ACOT11: variants seen among roughly 807,000 people sequenced by gnomAD.
ACOT11 encodes the protein acyl-CoA thioesterase 11.
A neutral mutation model predicts 77.5 loss-of-function variants in ACOT11; 69 were observed. That is an observed-to-expected ratio of 0.89 (90% CI 0.73 to 1.09). The LOEUF is 1.09. Ranked by LOEUF, ACOT11 falls within the 50% of genes least tolerant of loss-of-function variation. ACOT11 has a pLI of 0.00. For missense variants in ACOT11, 766 were observed against 813.7 expected, an observed-to-expected ratio of 0.94 and a Z score of 0.71; for synonymous variants, 279 against 313.0, an observed-to-expected ratio of 0.89 and a Z score of 1.15.
At position 54,607,929 on chromosome 1, in the gene ACOT11, T is replaced by C. The variant is rs1288955120; in HGVS notation, c.1503-13T>C. 1 of 1,613,496 alleles carries C rather than the reference T, an allele frequency of 6.2e-7. No homozygotes were observed. On this transcript the variant is annotated splice_polypyrimidine_tract_variant and intron_variant, in intron 14 of 15. Transcript: ENST00000343744. The surrounding 1 kb of genome is among the most constrained non-coding windows in gnomAD (Gnocchi z 4.5). ...GCTGACCCCTGTCCCCTTGCTACCC[T>C]TCCTTCACTCAGGGACCCCTATGTC... is the stretch of plus-strand genomic sequence containing the variant.
rs1255592853 is a variant in ACOT11, at chr1:54,562,414, C to A, written c.33+14072C>A. Among the ~76,000 whole-genome samples the A allele has an allele frequency of 2.4e-3, 199 of 81,784 alleles. 3 individuals are homozygous for A. The highest frequency in any genetic ancestry group is 2.9e-3 in the Non-Finnish European group (125 of 42,960). 53.7% of individuals were successfully genotyped at this position (81,784 alleles called of 152,430 possible). A position where few individuals can be genotyped will look rare whatever the true frequency, so the allele number is the denominator to read the frequency against. ...AGCCGGGCAGAGGCGCCCCTCACCT[C>A]CCGGACGGGGCGGCTGGCCGGGCGG... On this transcript the variant is annotated intron_variant, in intron 1 of 15. Transcript: ENST00000343744.
downstream of ACOT11, chr1:54,612,751 C>T (rs74891767): frequency 0.01 from 15,339 of 1,489,246 alleles, 108 homozygotes; most frequent in Middle Eastern, 0.042. Flanking sequence ...GGAGCTGCAG[C>T]GGCCCCTTCC....
At chr1:54,604,454 T>C (rs772867824) in intron 12 of ACOT11, 25 bp downstream of exon 12, 1 of 1,611,442 alleles carries the variant, frequency 6.2e-7, no homozygotes, top group African/African-American at 1.3e-5. Context: ...CCACCCAATT[T>C]TCCTTTCTCA....
intron 15 of ACOT11, chr1:54,619,837 T>C (rs1476433042): frequency 6.2e-7 from 1 of 1,611,624 alleles, no homozygotes; most frequent in South Asian, 1.1e-5. Flanking sequence ...TGCCCTGGCC[T>C]GCCTCAGTCT....
chr1:54,610,302 T>C lies in ACOT11; in HGVS notation c.*1190T>C. 1 of 1,533,918 alleles carries C rather than the reference T, an allele frequency of 6.5e-7. No individual in the cohort carries two copies. Among genetic ancestry groups the C allele is most frequent in the Non-Finnish European group, 8.7e-7 (1 of 1,143,278 alleles). On this transcript the variant is annotated 3_prime_UTR_variant, in exon 16 of 16. Coordinates refer to ENST00000343744, the MANE Select transcript of ACOT11 (RefSeq NM_147161.4). ...GCCCCACCTTGCATCCAGGGTATGGTGTAAATAAACCTGTGTTGCCATGGC... is the reference window on the plus strand; with the variant it reads ...GCCCCACCTTGCATCCAGGGTATGGCGTAAATAAACCTGTGTTGCCATGGC...
intron 3 of ACOT11, among the ~76,000 whole-genome samples, chr1:54,587,285 C>T (rs112203514): frequency 2.8e-4 from 43 of 152,132 alleles, no homozygotes; most frequent in Non-Finnish European, 4.6e-4. Context: ...GGGGCCTACG[C>T]GGGTGGATCA....
intron 15 of ACOT11, among the ~76,000 whole-genome samples, chr1:54,619,670 C>A (rs1644209824): frequency 6.6e-6 from 1 of 152,196 alleles, no homozygotes; most frequent in Non-Finnish European, 1.5e-5. Flanking sequence ...TGGTTTAAAT[C>A]TAAGCTCAGA....
chr1:54,628,643 A>C (rs1445878395), intron 15 of ACOT11, among the ~76,000 whole-genome samples: 1 of 116,756 alleles, frequency 8.6e-6, no homozygotes, highest in Non-Finnish European at 1.9e-5. Context: ...CTATTTTGAC[A>C]CTGTCATGAA....
chr1:54,624,977 G>A (rs776082440), intron 15 of ACOT11, among the ~76,000 whole-genome samples: 5 of 151,990 alleles, frequency 3.3e-5, no homozygotes, highest in Non-Finnish European at 7.4e-5. Context: ...GGGACAATGA[G>A]GGAGAGGTTT....
chr1:54,614,825 C>CTGA (rs753044317), downstream of ACOT11: 18 of 1,614,154 alleles, frequency 1.1e-5, no homozygotes, highest in Non-Finnish European at 1.4e-5. Flanking sequence ...GGGAGGGGCC[C>CTGA]ACTGCCTTGA....
chr1:54,623,184 A>T (rs561814126), intron 15 of ACOT11: 15 of 831,016 alleles, frequency 1.8e-5, no homozygotes, highest in Middle Eastern at 3.5e-4. Context: ...TCTAAAAAAA[A>T]AAAAGGGACT....
intron 8 of ACOT11, 87 bp from the exon 9 acceptor site, chr1:54,601,182 T>C (rs1441065750): frequency 4.8e-6 from 7 of 1,457,764 alleles, no homozygotes; most frequent in Non-Finnish European, 6.5e-6. Flanking sequence ...CATGTGTGCA[T>C]GTGTGTGTGT....
intron 15 of ACOT11, among the ~76,000 whole-genome samples, chr1:54,618,841 G>A (rs1210206597): frequency 1.3e-5 from 2 of 152,076 alleles, no homozygotes; most frequent in African/African-American, 2.4e-5. Flanking sequence ...AAGGTTATTT[G>A]ATCTTTTTTT....
chr1:54,614,445 A>G (rs569597990), downstream of ACOT11, among the ~76,000 whole-genome samples: 3 of 152,138 alleles, frequency 2.0e-5, no homozygotes, highest in South Asian at 4.1e-4. Context: ...GTAGGGGTTG[A>G]GGGGCCCAGA....
At position 54,599,277 on chromosome 1, in the gene ACOT11, C is replaced by T. The variant is rs370973170; in HGVS notation, c.765-19C>T. 3.2e-4 allele frequency: 476 copies of T among 1,510,244 alleles called. No individual in the cohort carries two copies. The highest frequency in any genetic ancestry group is 4.1e-4 in the Non-Finnish European group (455 of 1,120,928). The allele number at this position is 1,510,244 out of a possible 1,614,324, so 93.6% of individuals were successfully genotyped here. ...GCACCAGGGGCATTCCTTCTGTCTCCCCACCCCTGCCTCCTCAGCCGGCTC... is the reference window on the plus strand; with the variant it reads ...GCACCAGGGGCATTCCTTCTGTCTCTCCACCCCTGCCTCCTCAGCCGGCTC... On this transcript the variant is annotated intron_variant, in intron 7 of 15. Coordinates refer to ENST00000343744, the MANE Select transcript of ACOT11 (RefSeq NM_147161.4).
At chr1:54,587,745 A>C (rs1016283887) in intron 3 of ACOT11, among the ~76,000 whole-genome samples, 2 of 150,654 alleles carry the variant, frequency 1.3e-5, no homozygotes, top group Non-Finnish European at 3.0e-5. Context: ...TATTTTTAGT[A>C]GAGACGGGGT....
chr1:54,561,558 G>A (rs1653487384), intron 1 of ACOT11, among the ~76,000 whole-genome samples: 1 of 125,334 alleles, frequency 8.0e-6, no homozygotes, highest in African/African-American at 3.3e-5. Flanking sequence ...CACCTTTCCC[G>A]CCTTTCTATT....
intron 3 of ACOT11, among the ~76,000 whole-genome samples, chr1:54,592,117 G>T (rs1654732020): frequency 6.6e-6 from 1 of 152,194 alleles, no homozygotes; most frequent in East Asian, 1.9e-4. Flanking sequence ...CCCTAGTAGA[G>T]CTTAAGAACT....
In ACOT11 at chr1:54,609,701, C is replaced by T; in HGVS notation, c.*589C>T. ...CCCGTGGGAGATTTTGGCCCCAACC[C>T]ACACAGGCCAATGCAAGAGGCCAAG... On this transcript the variant is annotated 3_prime_UTR_variant, in exon 16 of 16. Transcript: ENST00000343744. The T allele has an allele frequency of 1.2e-6, 2 of 1,614,114 alleles. No individual in the cohort carries two copies. Among genetic ancestry groups the T allele is most frequent in the Non-Finnish European group, 1.7e-6 (2 of 1,180,034 alleles).
Sources: allele counts gnomAD v4.1 joint callset (sites outside exome capture counted in the v4.1 genomes callset), GRCh38; gene constraint gnomAD v4.1.1; non-coding constraint Gnocchi (gnomAD v3.1); transcripts MANE v1.5; gene names NCBI Gene and HGNC (gene_info 2026-07-23, HGNC 2026-07-21).